Variants in CLEC9A observed in about 807,000 individuals in gnomAD.
The protein encoded by CLEC9A is C-type lectin domain containing 9A.
Under a neutral mutation model 30.0 loss-of-function variants are expected in CLEC9A, and 24 were observed. That is an observed-to-expected ratio of 0.80 (90% CI 0.58 to 1.13). CLEC9A has a LOEUF of 1.13. Among genes scored for constraint, CLEC9A ranks in the 50% most tolerant of loss-of-function variants. CLEC9A has a pLI of 0.00. For synonymous variants in CLEC9A, 111 were observed against 96.8 expected (o/e 1.15, Z -0.86); for missense variants, 251 against 280.9 (o/e 0.89, Z 0.76).
In CLEC9A at chr12:10,041,583, A is replaced by C. The variant is rs1865798206; in HGVS notation, c.-200A>C. The C allele has an allele frequency of 1.9e-6, 1 of 522,116 alleles. No homozygotes were observed. The allele number at this position is 522,116 out of a possible 1,614,324, so 32.3% of individuals were successfully genotyped here. ...AGTGAGCAGTACTGCACTGACATGA[A>C]GGCTACTCTCCTGAAGACTGACAAC... On this transcript the variant is annotated 5_prime_UTR_variant, in exon 2 of 9. Transcript: ENST00000355819.
intron 1 of CLEC9A, chr12:10,041,093 A>C (rs1865792033): frequency 6.4e-6 from 1 of 156,930 alleles, no homozygotes; most frequent in South Asian, 1.9e-4. Context: ...AAATACAAAA[A>C]AAATTAGCCA....
intron 7 of CLEC9A, among the ~76,000 whole-genome samples, chr12:10,064,230 A>C (rs769865565): frequency 1.7e-4 from 26 of 152,224 alleles, no homozygotes; most frequent in Non-Finnish European, 2.8e-4. Context: ...CATTTGAAGT[A>C]AATTATTACA....
At chr12:10,041,716 T>A (rs1865799428) in intron 2 of CLEC9A, 96 bp downstream of exon 2, 1 of 477,226 alleles carries the variant, frequency 2.1e-6, no homozygotes, top group Admixed American at 2.2e-5. Flanking sequence ...TTTCTTAACA[T>A]CTTTCAGTTT....
chr12:10,047,089 C>CT, intron 2 of CLEC9A, among the ~76,000 whole-genome samples: 2 of 152,074 alleles, frequency 1.3e-5, no homozygotes, highest in African/African-American at 2.4e-5. Flanking sequence ...TATCAATAAA[C>CT]AAGCAGATTT....
intron 8 of CLEC9A, among the ~76,000 whole-genome samples, chr12:10,065,275 A>G (rs1866033829): frequency 6.6e-6 from 1 of 152,190 alleles, no homozygotes; most frequent in African/African-American, 2.4e-5. Context: ...GTCTTTGGGT[A>G]TCTATGTTTT....
intron 2 of CLEC9A, among the ~76,000 whole-genome samples, chr12:10,042,734 C>T (rs1865808237): frequency 6.6e-6 from 1 of 152,124 alleles, no homozygotes; most frequent in South Asian, 2.1e-4. Context: ...TTGAGAAAGA[C>T]ATTATGTACT....
intron 5 of CLEC9A, among the ~76,000 whole-genome samples, chr12:10,057,946 TATG>T (rs1865957696): frequency 6.6e-6 from 1 of 152,182 alleles, no homozygotes; most frequent in Non-Finnish European, 1.5e-5. Context: ...AGGTATAATG[TATG>T]ATATCATATA....
chr12:10,033,444 T>C (rs1484762314), intron 1 of CLEC9A, among the ~76,000 whole-genome samples: 4 of 152,238 alleles, frequency 2.6e-5, no homozygotes, highest in African/African-American at 4.8e-5. Context: ...CATATCTGAC[T>C]GGATTCTTGG....
intron 4 of CLEC9A, among the ~76,000 whole-genome samples, chr12:10,053,344 G>A (rs1373792666): frequency 1.8e-4 from 27 of 152,174 alleles, no homozygotes; most frequent in Admixed American, 1.8e-3. Context: ...CAAGGTGTTG[G>A]CAGGGATCGA....
intron 5 of CLEC9A, among the ~76,000 whole-genome samples, chr12:10,056,731 A>G (rs1242123417): frequency 6.6e-6 from 1 of 152,176 alleles, no homozygotes; most frequent in Non-Finnish European, 1.5e-5. Flanking sequence ...TTTTAATCCT[A>G]TGAATGTAGT....
At chr12:10,046,115 T>C (rs1047904525) in intron 2 of CLEC9A, among the ~76,000 whole-genome samples, 2 of 152,332 alleles carry the variant, frequency 1.3e-5, no homozygotes, top group African/African-American at 2.4e-5. Context: ...ACAAGTCACA[T>C]AGATTTTTTA....
chr12:10,047,250 A>T (rs1317472152), intron 2 of CLEC9A, among the ~76,000 whole-genome samples: 2 of 152,240 alleles, frequency 1.3e-5, no homozygotes, highest in Non-Finnish European at 2.9e-5. Context: ...AATTCAGAAC[A>T]CTATCCAAAA....
At chr12:10,032,316 G>A (rs567678660) in intron 1 of CLEC9A, among the ~76,000 whole-genome samples, 1 of 151,122 alleles carries the variant, frequency 6.6e-6, no homozygotes, top group Non-Finnish European at 1.5e-5. Context: ...ACATCCCAAA[G>A]ATCCCGTAAC....
In CLEC9A at chr12:10,061,232, T is replaced by C. The variant is rs148035230; in HGVS notation, c.278T>C (p.Met93Thr). The change falls in exon 6 of 9, where the codon ATG becomes ACG. Residue 93 changes from methionine to threonine, a missense_variant. By Grantham distance (81) the Met-to-Thr change is moderately conservative. Transcript: ENST00000355819. ...TGGAAGAGAAGCTGTGCCCTTCAGA[T>C]GAAATATTGCCAAGCCTTCATGCAA... ...TEWKRSCALQ[M>T]KYCQAFMQNS... The C allele has an allele frequency of 5.0e-6, 8 of 1,611,840 alleles. No individual in the cohort carries two copies. The highest frequency in any genetic ancestry group is 1.3e-5 in the African/African-American group (1 of 74,752).
intron 7 of CLEC9A, 84 bp from the exon 8 acceptor site, chr12:10,064,648 C>A: frequency 1.4e-6 from 2 of 1,396,150 alleles, no homozygotes; most frequent in Non-Finnish European, 9.7e-7. Context: ...TAATTTCTAG[C>A]TAGGCAAAAT....
chr12:10,048,328 C>T (rs537637415), intron 2 of CLEC9A, among the ~76,000 whole-genome samples: 100 of 145,878 alleles, frequency 6.9e-4, no homozygotes, highest in African/African-American at 2.4e-3. Context: ...GCCGAGATCG[C>T]GACACTACAG....
At chr12:10,050,715 A>G (rs898167262) in intron 2 of CLEC9A, among the ~76,000 whole-genome samples, 1 of 152,206 alleles carries the variant, frequency 6.6e-6, no homozygotes, top group African/African-American at 2.4e-5. Context: ...AAATTTGAGA[A>G]CAATTGGAAA....
chr12:10,052,834 TTC>T, intron 4 of CLEC9A, 56 bp downstream of exon 4: 2 of 1,575,762 alleles, frequency 1.3e-6, no homozygotes, highest in East Asian at 2.2e-5. Flanking sequence ...TTTTTTTTTT[TTC>T]TGCTCTATCA....
In CLEC9A at chr12:10,064,812, A is replaced by T. The variant is rs1245365931; in HGVS notation, c.552A>T (p.Gly184=). 1 of 1,613,570 alleles carries T rather than the reference A, an allele frequency of 6.2e-7. No homozygotes were observed. Among genetic ancestry groups the T allele is most frequent in the Non-Finnish European group, 8.5e-7 (1 of 1,179,724 alleles). Residue 184 remains glycine (G), a synonymous_variant, in exon 8 of 9, where the codon GGA becomes GGT. Coordinates refer to ENST00000355819, the MANE Select transcript of CLEC9A (RefSeq NM_207345.4). ...GGTTGTCTCAGGATGGACACAGCGG[A>T]CGCTGGCTTTGGCAAGATGGCTCCT... The part of the protein sequence containing the change: ...WVGLSQDGHS[G]RWLWQDGSSP...
Sources: gnomAD v4.1 joint callset for allele counts (sites outside exome capture counted in the v4.1 genomes callset) on GRCh38, gnomAD v4.1.1 for gene constraint, MANE v1.5 for transcripts, NCBI Gene and HGNC (gene_info 2026-07-23, HGNC 2026-07-21) for gene names.